The following CCDC88A variants were observed in gnomAD, a reference collection of about 807,000 sequenced individuals.
The protein encoded by CCDC88A is girdin.
Under a neutral mutation model 234.3 loss-of-function variants are expected in CCDC88A, and 54 were observed. The ratio of observed to expected loss-of-function variants is 0.23; its 90% confidence interval spans 0.19 to 0.29. The LOEUF (loss-of-function observed/expected upper bound fraction) is 0.29, where lower values mean the gene tolerates loss of function less well. Among genes scored for constraint, CCDC88A ranks in the 10% least tolerant of loss-of-function variants. The pLI is 1.00. For missense variants in CCDC88A, 1,832 were observed against 2,123.4 expected (o/e 0.86, Z 2.70); for synonymous variants, 753 against 737.8 (o/e 1.02, Z -0.33).
rs1365854188 is a variant in CCDC88A, at chr2:55,296,448, G to C, written c.4901C>G (p.Ala1634Gly). The change falls in exon 30 of 33, where the codon GCT becomes GGT. Residue 1634 changes from alanine to glycine, a missense_variant. Around this residue, in one of 6 missense-constraint regions of CCDC88A, gnomAD observed 422 missense variants for 416.5 expected, o/e 1.01. Coordinates refer to ENST00000436346, the MANE Select transcript of CCDC88A (RefSeq NM_001365480.1). ...GEFSLLHDHE[A>G]WSSSGSSPIQ... is the part of the protein sequence containing the mutation. ...TGGACTGCTACCACTGCTGGACCAA[G>C]CCTCATGGTCATGAAGCAGGCTAAA... 1 of 1,614,232 alleles carries C rather than the reference G, an allele frequency of 6.2e-7. No homozygotes were observed. Among genetic ancestry groups the C allele is most frequent in the Non-Finnish European group, 8.5e-7 (1 of 1,180,038 alleles).
At chr2:55,311,823 A>T (rs2104605944) in intron 23 of CCDC88A, among the ~76,000 whole-genome samples, 1 of 152,306 alleles carries the variant, frequency 6.6e-6, no homozygotes, top group Non-Finnish European at 1.5e-5. Flanking sequence ...AAGCCCTGTC[A>T]ACTCTCTTTC....
chr2:55,368,098 T>A (rs995985858), intron 5 of CCDC88A, among the ~76,000 whole-genome samples: 1 of 152,202 alleles, frequency 6.6e-6, no homozygotes. Context: ...AGGGCTAGGA[T>A]GAAGAGTCAC....
At chr2:55,299,623 GA>G (rs1680638531) in intron 29 of CCDC88A, among the ~76,000 whole-genome samples, 1 of 152,138 alleles carries the variant, frequency 6.6e-6, no homozygotes, top group Admixed American at 6.5e-5. Flanking sequence ...CTATGAAGAT[GA>G]AAAAGTGAAA....
chr2:55,326,655 T>C (rs1490152852), intron 17 of CCDC88A, among the ~76,000 whole-genome samples: 2 of 152,096 alleles, frequency 1.3e-5, no homozygotes, highest in Non-Finnish European at 2.9e-5. Flanking sequence ...CTCTACCTCC[T>C]GGATTCAAGC....
chr2:55,384,123 CAGA>C (rs1315251746), intron 3 of CCDC88A, among the ~76,000 whole-genome samples: 1 of 151,922 alleles, frequency 6.6e-6, no homozygotes, highest in Non-Finnish European at 1.5e-5. Context: ...TGCTTGAGCC[CAGA>C]AGGTCTTAGC....
intron 22 of CCDC88A, chr2:55,315,012 C>A (rs965492499): frequency 1.3e-5 from 2 of 152,194 alleles, no homozygotes; most frequent in African/African-American, 4.8e-5. Context: ...CCTCTCTGGT[C>A]TCTCTTGAAC....
chr2:55,341,746 AT>A (rs1668537928), intron 12 of CCDC88A, among the ~76,000 whole-genome samples: 2 of 152,124 alleles, frequency 1.3e-5, no homozygotes, highest in African/African-American at 4.8e-5. Flanking sequence ...CCTGGCCAGA[AT>A]TTCATTCTTT....
intron 23 of CCDC88A, among the ~76,000 whole-genome samples, chr2:55,310,624 TGGG>T (rs34298232): frequency 6.6e-6 from 1 of 151,338 alleles, no homozygotes; most frequent in African/African-American, 2.4e-5. Context: ...AGGAAGCTAA[TGGG>T]GTAGTCTATT....
intron 6 of CCDC88A, among the ~76,000 whole-genome samples, chr2:55,362,852 G>T (rs975600728): frequency 3.3e-5 from 5 of 151,892 alleles, no homozygotes; most frequent in African/African-American, 7.2e-5. Context: ...TTGCATTGTT[G>T]TTACTGAATA....
At chr2:55,413,934 A>G (rs535765538) in intron 2 of CCDC88A, among the ~76,000 whole-genome samples, 2 of 150,908 alleles carry the variant, frequency 1.3e-5, no homozygotes, top group East Asian at 3.9e-4. Context: ...CCCGGGCAAC[A>G]GAACAAGACC....
At chr2:55,384,768 C>T (rs3974263) in intron 3 of CCDC88A, among the ~76,000 whole-genome samples, 138,874 of 150,762 alleles carry the variant, frequency 0.92, 64,210 homozygotes, top group African/African-American at 0.97. Context: ...GCAATTCGTG[C>T]GCCTCAGCCT....
rs1349427240 is a variant in CCDC88A at position 55,416,455 on chromosome 2, T to C, written c.164+2361A>G. The stretch of plus-strand genomic sequence containing the variant: ...AAATAAATAAATAAATATATATATA[T>C]ATATATATATATATATATATATATA... On this transcript the variant is annotated intron_variant, in intron 2 of 32. Transcript: ENST00000436346. 1.9e-4 allele frequency among the ~76,000 whole-genome samples: 15 copies of C among 80,530 alleles called. 1 individual carries two copies. Among genetic ancestry groups the C allele is most frequent in the East Asian group, 2.5e-4 (1 of 4,014 alleles). 52.8% of individuals were successfully genotyped at this position (80,530 alleles called of 152,430 possible).
chr2:55,418,612 T>C (rs946917851), intron 2 of CCDC88A: 13 of 572,786 alleles, frequency 2.3e-5, no homozygotes, highest in Non-Finnish European at 4.0e-5. Context: ...AACTAAAGTT[T>C]CACAATTTTA....
chr2:55,369,159 C>T (rs913751414), intron 5 of CCDC88A, among the ~76,000 whole-genome samples: 3 of 151,880 alleles, frequency 2.0e-5, no homozygotes, highest in African/African-American at 4.8e-5. Flanking sequence ...CTCAACTTCC[C>T]GAGTAGCTGG....
chr2:55,412,396 T>C (rs1228364333), intron 2 of CCDC88A, among the ~76,000 whole-genome samples: 1 of 152,152 alleles, frequency 6.6e-6, no homozygotes. Flanking sequence ...GGGCCATGGA[T>C]TGGGTCCATG....
At chr2:55,330,901 G>A (rs188570578) in intron 16 of CCDC88A, among the ~76,000 whole-genome samples, 1 of 152,232 alleles carries the variant, frequency 6.6e-6, no homozygotes, top group African/African-American at 2.4e-5. Flanking sequence ...TGTCTACATG[G>A]AATGCCCTTT....
intron 2 of CCDC88A, among the ~76,000 whole-genome samples, chr2:55,392,370 A>T (rs1676792108): frequency 6.6e-6 from 1 of 152,206 alleles, no homozygotes; most frequent in Non-Finnish European, 1.5e-5. Flanking sequence ...AAAAAACAAA[A>T]CCTATTAAGA....
At position 55,288,810 on chromosome 2, in the gene CCDC88A, T is replaced by G. The variant is rs1253055471; in HGVS notation, c.*2390A>C. On this transcript the variant is annotated 3_prime_UTR_variant, in exon 33 of 33. Transcript: ENST00000436346. Reference sequence around the variant, plus strand: ...GCATGTCAGGCCCCGGTTAGGAAAATGAAAATGGCTCCGATTCGTTTCCAG... The same window carrying G: ...GCATGTCAGGCCCCGGTTAGGAAAAGGAAAATGGCTCCGATTCGTTTCCAG... 4.6e-5 allele frequency: 7 copies of G among 152,138 alleles called. No homozygotes were observed. Among genetic ancestry groups the G allele is most frequent in the Non-Finnish European group, 1.0e-4 (7 of 67,986 alleles). 9.4% of individuals were successfully genotyped at this position (152,138 alleles called of 1,614,324 possible).
chr2:55,405,315 T>G (rs1252648884), intron 2 of CCDC88A: 1 of 152,128 alleles, frequency 6.6e-6, no homozygotes, highest in Non-Finnish European at 1.5e-5. Context: ...CAAACCTAAC[T>G]TCTAGACATC....
Sources: gnomAD v4.1 joint callset for allele counts (sites outside exome capture counted in the v4.1 genomes callset) on GRCh38, gnomAD v4.1.1 for gene constraint, gnomAD v4.1.1 regional missense constraint, MANE v1.5 for transcripts, NCBI Gene and HGNC (gene_info 2026-07-23, HGNC 2026-07-21) for gene names.